PLCH2: variants seen among roughly 807,000 people sequenced by gnomAD.
The protein encoded by PLCH2 is 1-phosphatidylinositol 4,5-bisphosphate phosphodiesterase eta-2.
A neutral mutation model predicts 134.7 loss-of-function variants in PLCH2; 98 were observed. The observed-to-expected ratio is 0.73, with a 90% CI of 0.62 to 0.86. PLCH2 has a LOEUF of 0.86. Among genes scored for constraint, PLCH2 ranks in the 40% least tolerant of loss-of-function variants. The pLI is 0.00. For missense variants in PLCH2, 1,994 were observed against 1,986.6 expected, an observed-to-expected ratio of 1.00 and a Z score of -0.07; for synonymous variants, 974 against 827.5, an observed-to-expected ratio of 1.18 and a Z score of -3.04.
rs201599674 is a variant in PLCH2 at position 2,436,349 on chromosome 1, TC to T, written c.115+5723del. Among the ~76,000 whole-genome samples the T allele has an allele frequency of 5.1e-3, 117 of 23,096 alleles. 1 individual carries two copies. The highest frequency in any genetic ancestry group is 6.6e-3 in the Non-Finnish European group (69 of 10,378). 15.2% of individuals were successfully genotyped at this position (23,096 alleles called of 152,430 possible). ...CCTCCCTTCCTCCCTCCACCTTTCC[TC>T]CCTTCCTCCCTCCTCCCTTCCTCCC... On this transcript the variant is annotated intron_variant, in intron 2 of 3. Coordinates refer to the PLCH2 transcript ENST00000609981.
In PLCH2 at chr1:2,484,574, C is replaced by G. The variant is rs1361805889; in HGVS notation, c.772C>G (p.Leu258Val). 1.2e-6 allele frequency: 2 copies of G among 1,613,002 alleles called. No homozygotes were observed. Among genetic ancestry groups the G allele is most frequent in the Non-Finnish European group, 1.7e-6 (2 of 1,179,816 alleles). ...MLTYSNHKDH[L>V]DAASLQRFLQ... ...GACCTACAGCAACCACAAGGACCAC[C>G]TGGATGCCGCCAGCCTGCAGCGCTT... is the stretch of plus-strand genomic sequence containing the variant. Residue 258 changes from leucine (L) to valine (V), a missense_variant, in exon 5 of 22, where the codon CTG (leucine) becomes GTG (valine). Leu to Val is a conservative substitution (Grantham distance 32). This residue lies in a region of PLCH2 where 1,094 missense variants were observed against 1,234.3 expected (regional missense o/e 0.89). Transcript: ENST00000378486.
intron 1 of PLCH2, among the ~76,000 whole-genome samples, chr1:2,471,273 C>T (rs918671974): frequency 3.3e-5 from 5 of 152,154 alleles, no homozygotes; most frequent in Non-Finnish European, 5.9e-5. Context: ...AGAGAAAGGC[C>T]AGATGTTGGG....
chr1:2,491,709 CA>C (rs1190437898), intron 11 of PLCH2, among the ~76,000 whole-genome samples: 4 of 152,230 alleles, frequency 2.6e-5, no homozygotes, highest in Non-Finnish European at 5.9e-5. Context: ...AGGTGACAGG[CA>C]GGGTGGGCCG....
At chr1:2,433,841 G>C (rs1166623795) in intron 2 of PLCH2, among the ~76,000 whole-genome samples, 1 of 152,222 alleles carries the variant, frequency 6.6e-6, no homozygotes, top group South Asian at 2.1e-4. Context: ...AACCCCCTCA[G>C]AGCCATCGAC....
chr1:2,484,378 T>C (rs1642179357), intron 4 of PLCH2, 70 bp from the exon 5 acceptor site: 2 of 1,494,742 alleles, frequency 1.3e-6, no homozygotes, highest in Admixed American at 1.8e-5. Context: ...AGTGGGGTGG[T>C]CCTGAAGGAC....
At chr1:2,480,407 G>A in intron 4 of PLCH2, 95 bp downstream of exon 4, 1 of 1,405,558 alleles carries the variant, frequency 7.1e-7, no homozygotes, top group Non-Finnish European at 9.8e-7. Context: ...GACTGAGCTG[G>A]AGGGGACCCT....
chr1:2,494,974 T>A (rs1219018606), intron 12 of PLCH2, 26 bp downstream of exon 12: 2 of 1,511,374 alleles, frequency 1.3e-6, no homozygotes, highest in Non-Finnish European at 1.8e-6. Context: ...CAGGCCAGGG[T>A]CCCGGTCTGG....
intron 1 of PLCH2, 108 bp downstream of exon 1, chr1:2,476,820 C>T: frequency 8.8e-7 from 1 of 1,135,580 alleles, no homozygotes; most frequent in South Asian, 1.7e-5. Flanking sequence ...TCCATCCCAT[C>T]CTGCACTCGC....
chr1:2,502,794 C>T (rs1296077724), intron 21 of PLCH2: 4 of 716,714 alleles, frequency 5.6e-6, no homozygotes, highest in South Asian at 3.0e-5. Flanking sequence ...CCCGAAAGGT[C>T]CCCCCGCTGG....
At position 2,504,934 on chromosome 1, in the gene PLCH2, TG is replaced by T; in HGVS notation, c.3976del (p.Glu1326ArgfsTer172). The stretch of plus-strand genomic sequence containing the variant: ...CGTCACCCACCAGCCTGGGCCCGGC[TG>T]GGGAGGGGGTGGCAGGGGGCCCTGG... The part of the protein sequence containing the change: ...ITSPTSLGPA[G>X]EGVAGGPGFV... On this transcript the variant is annotated frameshift_variant, in exon 22 of 22. Transcript: ENST00000378486. LOFTEE classifies it high-confidence loss of function. 1 of 1,568,830 alleles carries T rather than the reference TG, an allele frequency of 6.4e-7. No homozygotes were observed.
Position 2,455,562 on chromosome 1 carries a change from G to C in PLCH2, c.116-22914G>C, listed in dbSNP as rs1640448700. ...AGGTGGAGTTAGACTCAGTGAGTGTGAAGGATGCTCTGTGGCCACCATAGC... is the reference window on the plus strand; with the variant it reads ...AGGTGGAGTTAGACTCAGTGAGTGTCAAGGATGCTCTGTGGCCACCATAGC... On this transcript the variant is annotated intron_variant, in intron 2 of 3. Transcript: ENST00000609981. Among the ~76,000 whole-genome samples, 5 of 152,202 alleles carry C rather than the reference G, an allele frequency of 3.3e-5. No individual in the cohort carries two copies. In the South Asian group the frequency reaches 1.0e-3, roughly 31 times the overall value.
chr1:2,498,247 A>C lies in PLCH2; in HGVS notation c.2225-276A>C. 4.3e-4 allele frequency: 150 copies of C among 348,236 alleles called. No individual in the cohort carries two copies. Among genetic ancestry groups the C allele is most frequent in the East Asian group, 1.2e-3 (19 of 16,286 alleles). 21.6% of individuals were successfully genotyped at this position (348,236 alleles called of 1,614,324 possible). ...GACCCCACCCCTCATACCCCCAGGG[A>C]CCCAGACCCACCCCCAGAAGCCATG... On this transcript the variant is annotated intron_variant, in intron 16 of 21. Coordinates refer to ENST00000378486, the MANE Select transcript of PLCH2 (RefSeq NM_014638.4). The surrounding 1 kb of genome is among the most constrained non-coding windows in gnomAD (Gnocchi z 5.4).
chr1:2,436,633 C>T (rs3001357), intron 2 of PLCH2, among the ~76,000 whole-genome samples: 1 of 152,036 alleles, frequency 6.6e-6, no homozygotes, highest in African/African-American at 2.4e-5. Flanking sequence ...CAGGGCTTAG[C>T]CGTCACCTGT....
intron 2 of PLCH2, among the ~76,000 whole-genome samples, chr1:2,435,289 G>A (rs1490298066): frequency 2.0e-5 from 3 of 152,204 alleles, no homozygotes; most frequent in South Asian, 2.1e-4. Flanking sequence ...GGTGGGGCCC[G>A]GTTGCTGCCT....
upstream of PLCH2, among the ~76,000 whole-genome samples, chr1:2,422,120 T>C (rs1638547727): frequency 1.3e-5 from 2 of 151,916 alleles, no homozygotes; most frequent in African/African-American, 4.8e-5. Context: ...AATACAAAAA[T>C]TAGCCGGGCA....
At chr1:2,501,907 T>C (rs1260887886) in intron 20 of PLCH2, 10 of 505,720 alleles carry the variant, frequency 2.0e-5, no homozygotes, top group Non-Finnish European at 3.4e-5. Flanking sequence ...CTGTAGCAGC[T>C]ACTGTCCCAG....
chr1:2,464,489 T>C (rs1358107865), upstream of PLCH2, among the ~76,000 whole-genome samples: 2 of 152,174 alleles, frequency 1.3e-5, no homozygotes, highest in Non-Finnish European at 2.9e-5. Flanking sequence ...GCCCCTGTCT[T>C]TGGGCTGGCC....
intron 2 of PLCH2, among the ~76,000 whole-genome samples, 166 bp downstream of exon 2, chr1:2,478,788 G>A (rs1470828286): frequency 2.6e-5 from 4 of 152,174 alleles, no homozygotes; most frequent in African/African-American, 9.7e-5. Context: ...GGGCTGTGGG[G>A]TAGGAGGGAT....
chr1:2,503,578 A>T, intron 21 of PLCH2: 1 of 507,686 alleles, frequency 2.0e-6, no homozygotes, highest in Non-Finnish European at 3.6e-6. Flanking sequence ...CCCCCTGACC[A>T]AGCTTTCCTT....
Sources: allele counts gnomAD v4.1 joint callset (sites outside exome capture counted in the v4.1 genomes callset), GRCh38; gene constraint gnomAD v4.1.1; regional missense constraint gnomAD v4.1.1; non-coding constraint Gnocchi (gnomAD v3.1); transcripts MANE v1.5; gene names NCBI Gene and HGNC (gene_info 2026-07-23, HGNC 2026-07-21).